The following PPP1R21 variants were observed in gnomAD, a reference collection of about 807,000 sequenced individuals.
PPP1R21 encodes the protein protein phosphatase 1 regulatory subunit 21.
A neutral mutation model predicts 112.8 loss-of-function variants in PPP1R21; 85 were observed. The observed-to-expected ratio is 0.75, with a 90% CI of 0.63 to 0.90. PPP1R21 has a LOEUF of 0.90. Among genes scored for constraint, PPP1R21 ranks in the 40% least tolerant of loss-of-function variants. PPP1R21 has a pLI of 0.00. For missense variants in PPP1R21, 1,199 were observed against 901.5 expected (o/e 1.33, Z -4.23); for synonymous variants, 381 against 322.3 (o/e 1.18, Z -1.95).
At chr2:48,484,160 A>T (rs550037166) in intron 13 of PPP1R21, among the ~76,000 whole-genome samples, 2 of 152,144 alleles carry the variant, frequency 1.3e-5, no homozygotes, top group Non-Finnish European at 2.9e-5. Flanking sequence ...GGGGTTTGCC[A>T]TGCAGAGATC....
At chr2:48,481,825 A>C (rs1245961537) in intron 13 of PPP1R21, among the ~76,000 whole-genome samples, 1 of 152,222 alleles carries the variant, frequency 6.6e-6, no homozygotes, top group Non-Finnish European at 1.5e-5. Context: ...TAAGCTTTTC[A>C]AGTGCCATCA....
Position 48,459,739 on chromosome 2 carries a change from GTCTTC to G in PPP1R21, c.376-10_376-6del. ...TAGGATATTGTGAGAAGAGAAAATG[GTCTTC>G]TCTTTTTAGTTTTTTGAAGCTGATG... On this transcript the variant is annotated splice_polypyrimidine_tract_variant and intron_variant, in intron 4 of 21. Coordinates refer to ENST00000294952, the MANE Select transcript of PPP1R21 (RefSeq NM_001135629.3). 1 of 1,606,354 alleles carries G rather than the reference GTCTTC, an allele frequency of 6.2e-7. No individual in the cohort carries two copies. Among genetic ancestry groups the G allele is most frequent in the Non-Finnish European group, 8.5e-7 (1 of 1,177,136 alleles).
chr2:48,492,385 G>A (rs1412140517), intron 15 of PPP1R21, among the ~76,000 whole-genome samples: 1 of 150,408 alleles, frequency 6.6e-6, no homozygotes, highest in Non-Finnish European at 1.5e-5. Flanking sequence ...GTTTCATTTT[G>A]CAATTTGCTT....
chr2:48,457,284 A>T (rs989583986), intron 3 of PPP1R21, among the ~76,000 whole-genome samples: 1 of 152,210 alleles, frequency 6.6e-6, no homozygotes, highest in Non-Finnish European at 1.5e-5. Context: ...TTGTTTTCCA[A>T]ACATGATGGA....
rs141156785 is a variant in PPP1R21, at chr2:48,460,112, A to G, written c.558A>G (p.Leu186=). The part of the protein sequence containing the change: ...KAKLEVKSQT[L]EKEAKECRLR... ...AAATTCAGGTGAAATCTCAGACTCTAGAAAAGGAAGCCAAGGAATGTCGAC... is the reference window on the plus strand; with the variant it reads ...AAATTCAGGTGAAATCTCAGACTCTGGAAAAGGAAGCCAAGGAATGTCGAC... The change falls in exon 6 of 22, where the codon CTA becomes CTG. Residue 186 remains leucine (L), a synonymous_variant. Transcript: ENST00000294952. The G allele has an allele frequency of 2.2e-5, 36 of 1,614,030 alleles. No individual in the cohort carries two copies. The highest frequency in any genetic ancestry group is 5.3e-5 in the African/African-American group (4 of 74,898).
rs184347382 is a variant in PPP1R21, at chr2:48,467,652, G to A, written c.897+2010G>A. 4.0e-3 allele frequency among the ~76,000 whole-genome samples: 616 copies of A among 152,300 alleles called. 2 individuals carry two copies. The highest frequency in any genetic ancestry group is 5.2e-3 in the Non-Finnish European group (355 of 68,026). ...AATGGCAGCTAACATTTCTCATAGT[G>A]AGCGATCTAAGAGCAAGGTGGAAGC... On this transcript the variant is annotated intron_variant, in intron 9 of 21. Transcript: ENST00000294952.
chr2:48,443,375 C>T (rs924133474), intron 1 of PPP1R21, among the ~76,000 whole-genome samples: 14 of 152,190 alleles, frequency 9.2e-5, no homozygotes, highest in Admixed American at 5.9e-4. Flanking sequence ...TTGTTATTCA[C>T]ATATTATTAG....
At position 48,486,765 on chromosome 2, in the gene PPP1R21, C is replaced by T; in HGVS notation, c.1446+7C>T. 1 of 1,611,114 alleles carries T rather than the reference C, an allele frequency of 6.2e-7. No homozygotes were observed. Among genetic ancestry groups the T allele is most frequent in the Non-Finnish European group, 8.5e-7 (1 of 1,178,844 alleles). ...AACAAATGGAGCAGGAAAGGTAATT[C>T]TCTTCTGGCGTATATTGATGTTAAA... On this transcript the variant is annotated splice_region_variant and intron_variant, in intron 14 of 21. Transcript: ENST00000294952.
intron 9 of PPP1R21, among the ~76,000 whole-genome samples, chr2:48,468,883 A>G (rs1668328532): frequency 1.3e-5 from 2 of 151,152 alleles, no homozygotes; most frequent in South Asian, 2.1e-4. Context: ...GTGTGTATAT[A>G]TATGTATAAG....
At chr2:48,483,347 AT>A (rs1293717003) in intron 13 of PPP1R21, among the ~76,000 whole-genome samples, 4 of 151,560 alleles carry the variant, frequency 2.6e-5, no homozygotes, top group African/African-American at 4.8e-5. Context: ...ATGCCGGCTA[AT>A]TTTTTTGTAT....
intron 12 of PPP1R21, among the ~76,000 whole-genome samples, chr2:48,477,534 T>C (rs1668812989): frequency 6.6e-6 from 1 of 152,216 alleles, no homozygotes; most frequent in Non-Finnish European, 1.5e-5. Flanking sequence ...GGAGAATCAG[T>C]TGACTGTAGA....
intron 9 of PPP1R21, among the ~76,000 whole-genome samples, chr2:48,466,072 TTG>T (rs1399953062): frequency 3.3e-5 from 5 of 152,168 alleles, no homozygotes; most frequent in Non-Finnish European, 7.3e-5. Context: ...CCATTCACTA[TTG>T]TGAGAACAGC....
At position 48,495,754 on chromosome 2, in the gene PPP1R21, G is replaced by C. The variant is rs778921473; in HGVS notation, c.1675G>C (p.Glu559Gln). The change falls in exon 16 of 22, where the codon GAA becomes CAA. Residue 559 changes from glutamate to glutamine, a missense_variant. By Grantham distance (29) the Glu-to-Gln change is conservative. Coordinates refer to ENST00000294952, the MANE Select transcript of PPP1R21 (RefSeq NM_001135629.3). ...CCTTCTCAGCTCTACTGAAAGTCGA[G>C]AAGGCCTTGCACAGCAAGTATGGCA... ...RILLSSTESR[E>Q]GLAQQVQQSL... 1.0e-5 allele frequency: 16 copies of C among 1,606,332 alleles called. No homozygotes were observed. Among genetic ancestry groups the C allele is most frequent in the Non-Finnish European group, 1.4e-5 (16 of 1,172,948 alleles).
intron 21 of PPP1R21, among the ~76,000 whole-genome samples, chr2:48,511,726 C>T (rs1022155560): frequency 1.3e-5 from 2 of 151,326 alleles, no homozygotes; most frequent in African/African-American, 2.4e-5. Flanking sequence ...AAAAAATAAG[C>T]CAAGCATGAG....
intron 2 of PPP1R21, among the ~76,000 whole-genome samples, chr2:48,452,350 A>G (rs1288783438): frequency 1.3e-5 from 2 of 152,164 alleles, no homozygotes; most frequent in African/African-American, 2.4e-5. Context: ...TATGTCCATT[A>G]TCTTATTTAG....
rs996912787 is a variant in PPP1R21 at position 48,511,499 on chromosome 2, G to A, written c.2313+31G>A. 3.1e-6 allele frequency: 5 copies of A among 1,601,906 alleles called. No individual in the cohort carries two copies. The African/African-American group carries it at 6.7e-5, about 22-fold the overall frequency. On this transcript the variant is annotated intron_variant, in intron 21 of 21. Coordinates refer to ENST00000294952, the MANE Select transcript of PPP1R21 (RefSeq NM_001135629.3). Reference sequence around the variant, plus strand: ...TGAGGTGAGGTGAGGTAGTCTCTCTGCAATATAATATTTAATGTGAGGTAT... The same window carrying A: ...TGAGGTGAGGTGAGGTAGTCTCTCTACAATATAATATTTAATGTGAGGTAT...
chr2:48,476,052 G>A (rs1668739457), intron 12 of PPP1R21, among the ~76,000 whole-genome samples: 1 of 151,950 alleles, frequency 6.6e-6, no homozygotes, highest in Non-Finnish European at 1.5e-5. Flanking sequence ...GTAAATTTTG[G>A]AACACTTTTA....
chr2:48,459,045 T>A (rs1484803983), intron 4 of PPP1R21, among the ~76,000 whole-genome samples: 3 of 134,666 alleles, frequency 2.2e-5, no homozygotes, highest in African/African-American at 5.7e-5. Flanking sequence ...TGAGCCGAGA[T>A]CAAGCCACAG....
chr2:48,453,187 C>G (rs537667807), intron 2 of PPP1R21, among the ~76,000 whole-genome samples: 13 of 152,234 alleles, frequency 8.5e-5, no homozygotes, highest in African/African-American at 1.9e-4. Context: ...CTCCTGACCT[C>G]GAGTGATCCG....
Sources: allele counts gnomAD v4.1 joint callset (sites outside exome capture counted in the v4.1 genomes callset), GRCh38; gene constraint gnomAD v4.1.1; transcripts MANE v1.5; gene names NCBI Gene and HGNC (gene_info 2026-07-23, HGNC 2026-07-21).